The following UBA5 variants were observed in gnomAD, a reference collection of about 807,000 sequenced individuals.
UBA5 encodes ubiquitin-like modifier-activating enzyme 5.
UBA5 carries 28 observed loss-of-function variants against 52.9 expected under a neutral mutation model. That is an observed-to-expected ratio of 0.53 (90% confidence interval 0.39 to 0.73). The LOEUF (loss-of-function observed/expected upper bound fraction) is 0.73. UBA5 is among the 30% of genes least tolerant of loss of function. The pLI, the probability that UBA5 is intolerant of heterozygous loss-of-function variation, is 0.00. For synonymous variants in UBA5, 135 were observed against 162.1 expected (o/e 0.83, Z 1.27); for missense variants, 388 against 492.7 (o/e 0.79, Z 2.01).
intron 5 of UBA5, 68 bp from the exon 6 acceptor site, chr3:132,670,897 A>G: frequency 1.8e-6 from 2 of 1,099,902 alleles, no homozygotes; most frequent in South Asian, 2.6e-5. Flanking sequence ...TGGACTGAAC[A>G]AGTAAGTATA....
chr3:132,668,521 T>C (rs1346554088), intron 3 of UBA5: 5 of 180,478 alleles, frequency 2.8e-5, no homozygotes, highest in East Asian at 2.8e-4. Flanking sequence ...GCATTGTGGT[T>C]GAGGTGCAGA....
rs1178330057 is a variant in UBA5 at position 132,678,987 on chromosome 3, A to G, written c.*2461A>G. ...TAAAGGAAGCTTTGACCCCTGCATC[A>G]CATTTTTTTCATATTTCCCTTTCTG... On this transcript the variant is annotated 3_prime_UTR_variant, in exon 12 of 12. Coordinates refer to ENST00000356232, the MANE Select transcript of UBA5 (RefSeq NM_024818.6). Among the ~76,000 whole-genome samples, 6 of 151,876 alleles carry G rather than the reference A, an allele frequency of 4.0e-5. No individual in the cohort carries two copies.
intron 8 of UBA5, 100 bp downstream of exon 8, chr3:132,672,277 T>A: frequency 7.3e-7 from 1 of 1,361,756 alleles, no homozygotes. Context: ...AAGCTAAGTA[T>A]ATAATTTAGT....
At position 132,675,835 on chromosome 3, in the gene UBA5, A is replaced by T. The variant is rs1272793756; in HGVS notation, c.1043A>T (p.Glu348Val). 1 of 1,611,288 alleles carries T rather than the reference A, an allele frequency of 6.2e-7. No individual in the cohort carries two copies. Among genetic ancestry groups the T allele is most frequent in the African/African-American group, 1.3e-5 (1 of 74,850 alleles). ...TTTACAGGTATTGAGCTGGTATCTG[A>T]GGTTTCAGAAGAGGAACTGAAAAAT... ...DNEWGIELVS[E>V]VSEEELKNFS... is the part of the protein sequence containing the mutation. The change falls in exon 11 of 12, where the codon GAG becomes GTG. Residue 348 changes from glutamate to valine, a missense_variant. Glu to Val is a moderately radical substitution (Grantham distance 121). Around this residue, in one of 3 missense-constraint regions of UBA5, gnomAD observed 277 missense variants for 326.4 expected, o/e 0.85. Coordinates refer to ENST00000356232, the MANE Select transcript of UBA5 (RefSeq NM_024818.6).
chr3:132,663,347 T>C (rs1417881591), intron 1 of UBA5, among the ~76,000 whole-genome samples: 1 of 152,198 alleles, frequency 6.6e-6, no homozygotes, highest in African/African-American at 2.4e-5. Context: ...AGTAGAGATT[T>C]CTTCATTAGA....
At chr3:132,661,964 G>C (rs916628550) in intron 1 of UBA5, among the ~76,000 whole-genome samples, 5 of 152,152 alleles carry the variant, frequency 3.3e-5, no homozygotes, top group African/African-American at 9.7e-5. Flanking sequence ...TCTCTAATCA[G>C]AATAAGTGGA....
chr3:132,659,009 A>G (rs780215968), upstream of UBA5, among the ~76,000 whole-genome samples: 3 of 152,180 alleles, frequency 2.0e-5, no homozygotes, highest in African/African-American at 7.2e-5. Context: ...TTTTAGAATA[A>G]AGTTTTAAGA....
chr3:132,673,605 C>T (rs771759605), intron 8 of UBA5, among the ~76,000 whole-genome samples: 7 of 152,068 alleles, frequency 4.6e-5, no homozygotes, highest in African/African-American at 9.7e-5. Context: ...ACCTCAGCCT[C>T]CCAAAGTGTT....
intron 8 of UBA5, among the ~76,000 whole-genome samples, chr3:132,675,014 GT>G (rs945491857): frequency 6.6e-6 from 1 of 152,100 alleles, no homozygotes; most frequent in Non-Finnish European, 1.5e-5. Context: ...GTGTTCTACA[GT>G]TGATGAAATG....
intron 8 of UBA5, among the ~76,000 whole-genome samples, chr3:132,672,582 A>G (rs976582142): frequency 1.3e-5 from 2 of 152,182 alleles, no homozygotes; most frequent in African/African-American, 2.4e-5. Context: ...TGTTTCTACT[A>G]TCTTGATTTA....
rs777084389 is a variant in UBA5, at chr3:132,670,259, T to G, written c.469T>G (p.Phe157Val). The G allele has an allele frequency of 1.4e-6, 2 of 1,465,556 alleles. No individual in the cohort carries two copies. Among genetic ancestry groups the G allele is most frequent in the African/African-American group, 1.4e-5 (1 of 71,224 alleles). 90.8% of individuals were successfully genotyped at this position (1,465,556 alleles called of 1,614,324 possible). The change falls in exon 5 of 12, where the codon TTT becomes GTT. Residue 157 changes from phenylalanine (F) to valine (V), a missense_variant. By Grantham distance (50) the Phe-to-Val change is conservative (BLOSUM62 -1). Coordinates refer to ENST00000356232, the MANE Select transcript of UBA5 (RefSeq NM_024818.6). ...CTATAATATAACCACAGTGGAAAAC[T>G]TTCAACATTTCATGGATAGAATAAG... The part of the protein sequence containing the change: ...HNYNITTVEN[F>V]QHFMDRISNG...
chr3:132,670,097 T>G (rs1489998243), intron 4 of UBA5, 101 bp from the exon 5 acceptor site: 1 of 637,378 alleles, frequency 1.6e-6, no homozygotes, highest in African/African-American at 1.9e-5. Context: ...CGATGATAGC[T>G]CGCTGTAGCC....
At chr3:132,656,722 C>T (rs1937826492), upstream of UBA5, among the ~76,000 whole-genome samples, 1 of 151,996 alleles carries the variant, frequency 6.6e-6, no homozygotes, top group African/African-American at 2.4e-5. Flanking sequence ...TCGAACTCGA[C>T]CTCTGGTGAT....
upstream of UBA5, among the ~76,000 whole-genome samples, chr3:132,657,586 T>C (rs548788705): frequency 1.9e-4 from 29 of 152,342 alleles, no homozygotes; most frequent in African/African-American, 5.0e-4. Context: ...TAAAATTCTT[T>C]TTAAGGTCCT....
intron 8 of UBA5, among the ~76,000 whole-genome samples, chr3:132,674,252 A>G (rs1212280088): frequency 1.3e-5 from 2 of 152,130 alleles, no homozygotes; most frequent in Non-Finnish European, 2.9e-5. Flanking sequence ...AAGAATGTGT[A>G]TTTGCAAATA....
At chr3:132,658,768 T>C (rs59426843), upstream of UBA5, among the ~76,000 whole-genome samples, 56,859 of 152,086 alleles carry the variant, frequency 0.37, 13,333 homozygotes, top group East Asian at 0.71. Context: ...ATATAAATGC[T>C]AGTGATAAAA....
In UBA5 at chr3:132,671,843, A is replaced by G. The variant is rs777351354; in HGVS notation, c.646A>G (p.Ile216Val). Residue 216 changes from isoleucine to valine, a missense_variant, in exon 7 of 12, where the codon ATA (isoleucine) becomes GTA (valine). Physicochemically the swap from Ile to Val is conservative, Grantham distance 29. Coordinates refer to ENST00000356232, the MANE Select transcript of UBA5 (RefSeq NM_024818.6). ...CAGTGAAAATGCAGTTTCAGGGCATATACAGCTTATAATTCCTGGAGAATC... is the reference window on the plus strand; with the variant it reads ...CAGTGAAAATGCAGTTTCAGGGCATGTACAGCTTATAATTCCTGGAGAATC... ...GVSENAVSGH[I>V]QLIIPGESAC... 6.2e-7 allele frequency: 1 copy of G among 1,613,702 alleles called. No homozygotes were observed. The highest frequency in any genetic ancestry group is 1.1e-5 in the South Asian group (1 of 90,952).
chr3:132,660,404 C>A lies in UBA5; in HGVS notation c.-134C>A. 1.7e-6 allele frequency: 2 copies of A among 1,185,158 alleles called. No individual in the cohort carries two copies. Among genetic ancestry groups the A allele is most frequent in the South Asian group, 2.9e-5 (2 of 68,408 alleles). 73.4% of individuals were successfully genotyped at this position (1,185,158 alleles called of 1,614,324 possible). A position where few individuals can be genotyped will look rare whatever the true frequency, so the allele number is the denominator to read the frequency against. ...TGTCTGTGAGGCGCTGGGTGCACGT[C>A]CCCAGGGCTCTGGGCTAGGAAGGCA... On this transcript the variant is annotated 5_prime_UTR_variant, in exon 1 of 12. Transcript: ENST00000356232. The surrounding 1 kb of genome is among the most constrained non-coding windows in gnomAD (Gnocchi z 4.1).
At chr3:132,665,762 A>AT in intron 1 of UBA5, 61 bp from the exon 2 acceptor site, 2 of 1,468,766 alleles carry the variant, frequency 1.4e-6, no homozygotes, top group Non-Finnish European at 1.9e-6. Context: ...ATGTATGTCT[A>AT]TTTGTATTAC....
Sources: gnomAD v4.1 joint callset for allele counts (sites outside exome capture counted in the v4.1 genomes callset) on GRCh38, gnomAD v4.1.1 for gene constraint, gnomAD v4.1.1 regional missense constraint, Gnocchi (gnomAD v3.1) non-coding constraint, MANE v1.5 for transcripts, NCBI Gene and HGNC (gene_info 2026-07-23, HGNC 2026-07-21) for gene names.